The following TSPAN9 variants were observed in gnomAD, a reference collection of about 807,000 sequenced individuals.
The protein encoded by TSPAN9 is tetraspanin 9.
A neutral mutation model predicts 31.0 loss-of-function variants in TSPAN9; 16 were observed. That is an observed-to-expected ratio of 0.52 (90% CI 0.35 to 0.78). The LOEUF (loss-of-function observed/expected upper bound fraction) is 0.78. Ranked by LOEUF, TSPAN9 falls within the 30% of genes least tolerant of loss-of-function variation. TSPAN9 has a pLI of 0.01. For synonymous variants in TSPAN9, 145 were observed against 121.6 expected (o/e 1.19, Z -1.27); for missense variants, 272 against 312.5 (o/e 0.87, Z 0.98).
At chr12:3,219,517 A>G (rs1275206198) in intron 3 of TSPAN9, among the ~76,000 whole-genome samples, 3 of 152,210 alleles carry the variant, frequency 2.0e-5, no homozygotes, top group African/African-American at 4.8e-5. Context: ...CTCCTGCCTC[A>G]GGAGCCAAGA....
At chr12:3,265,780 C>G (rs537143926) in intron 3 of TSPAN9, among the ~76,000 whole-genome samples, 2 of 152,330 alleles carry the variant, frequency 1.3e-5, no homozygotes, top group South Asian at 4.1e-4. Flanking sequence ...AATCTTAGAT[C>G]TTTCTCAGGT....
At chr12:3,096,671 G>GAGAGGC (rs1359541816) in intron 2 of TSPAN9, among the ~76,000 whole-genome samples, 1 of 151,610 alleles carries the variant, frequency 6.6e-6, no homozygotes, top group Non-Finnish European at 1.5e-5. Context: ...AACATTTCAG[G>GAGAGGC]AGAGGCAGTG....
chr12:3,137,259 G>A (rs995742641), intron 2 of TSPAN9, among the ~76,000 whole-genome samples: 19 of 152,196 alleles, frequency 1.2e-4, no homozygotes, highest in African/African-American at 4.1e-4. Flanking sequence ...GGGCATGTCA[G>A]CTTCCCTGGA....
intron 2 of TSPAN9, among the ~76,000 whole-genome samples, chr12:3,176,125 C>A (rs907852905): frequency 3.9e-5 from 6 of 152,208 alleles, no homozygotes; most frequent in African/African-American, 1.2e-4. Flanking sequence ...ATCCATTTGT[C>A]CCCTGCTGTG....
At position 3,283,273 on chromosome 12, in the gene TSPAN9, C is replaced by T; in HGVS notation, c.*157C>T. On this transcript the variant is annotated 3_prime_UTR_variant, in exon 9 of 9. Coordinates refer to ENST00000011898, the MANE Select transcript of TSPAN9 (RefSeq NM_006675.5). Reference sequence around the variant, plus strand: ...TACCCTGCCTCAGCCTCGGACTTCTCAGTGGGTGGAGTGCCAGGGAGGAGG... The same window carrying T: ...TACCCTGCCTCAGCCTCGGACTTCTTAGTGGGTGGAGTGCCAGGGAGGAGG... 1 of 725,916 alleles carries T rather than the reference C, an allele frequency of 1.4e-6. No individual in the cohort carries two copies. Among genetic ancestry groups the T allele is most frequent in the Non-Finnish European group, 2.1e-6 (1 of 466,328 alleles). 45.0% of individuals were successfully genotyped at this position (725,916 alleles called of 1,614,324 possible).
At chr12:3,142,213 G>A (rs1213553071) in intron 2 of TSPAN9, among the ~76,000 whole-genome samples, 7 of 152,270 alleles carry the variant, frequency 4.6e-5, no homozygotes, top group African/African-American at 9.6e-5. Context: ...CAGGGAGCCC[G>A]CTGCCTGCTG....
At chr12:3,165,847 G>T (rs1324497415) in intron 2 of TSPAN9, among the ~76,000 whole-genome samples, 5 of 152,178 alleles carry the variant, frequency 3.3e-5, no homozygotes, top group Admixed American at 6.6e-5. Context: ...TCCCAGGGGT[G>T]TCTTAAGTCT....
Position 3,262,538 on chromosome 12 carries a change from T to C in TSPAN9, c.64-15883T>C, listed in dbSNP as rs564197734. On this transcript the variant is annotated intron_variant, in intron 3 of 8. Coordinates refer to ENST00000011898, the MANE Select transcript of TSPAN9 (RefSeq NM_006675.5). ...TCTTGCCAGCTCACTATTTATCACA[T>C]AGGTCATCCCTCCACCCTGCCGTTT... Among the ~76,000 whole-genome samples, 144 of 152,256 alleles carry C rather than the reference T, an allele frequency of 9.5e-4. 2 individuals carry two copies. The South Asian group carries it at 0.028, about 30-fold the overall frequency.
At chr12:3,224,004 AG>A (rs1438096339) in intron 3 of TSPAN9, among the ~76,000 whole-genome samples, 1 of 152,244 alleles carries the variant, frequency 6.6e-6, no homozygotes, top group East Asian at 1.9e-4. Flanking sequence ...TGTGCAGCCA[AG>A]GTTGAAGCTG....
At chr12:3,097,225 T>G (rs6489437) in intron 2 of TSPAN9, among the ~76,000 whole-genome samples, 1 of 151,942 alleles carries the variant, frequency 6.6e-6, no homozygotes. Flanking sequence ...CATGCCTGCT[T>G]CCGTCTTCGT....
At chr12:3,256,172 G>A (rs1479069883) in intron 3 of TSPAN9, among the ~76,000 whole-genome samples, 1 of 152,224 alleles carries the variant, frequency 6.6e-6, no homozygotes, top group African/African-American at 2.4e-5. Flanking sequence ...TGAGAAAGAG[G>A]GAGGAGAGCT....
intron 2 of TSPAN9, among the ~76,000 whole-genome samples, chr12:3,166,030 G>T (rs1248953899): frequency 6.6e-6 from 1 of 152,112 alleles, no homozygotes; most frequent in Non-Finnish European, 1.5e-5. Flanking sequence ...GGAATTATAG[G>T]CATCTGAGTC....
At chr12:3,281,661 G>A (rs1169988888) in intron 7 of TSPAN9, 73 bp from the exon 8 acceptor site, 3 of 1,507,828 alleles carry the variant, frequency 2.0e-6, no homozygotes, top group African/African-American at 1.4e-5. Context: ...GAAGGAGAGA[G>A]TGAGCTGGGG....
intron 2 of TSPAN9, among the ~76,000 whole-genome samples, chr12:3,086,604 CT>C (rs5796034): frequency 0.084 from 12,818 of 152,116 alleles, 1,629 homozygotes; most frequent in African/African-American, 0.28. Context: ...TAAGTGCCCC[CT>C]GAAATCCTCC....
intron 2 of TSPAN9, among the ~76,000 whole-genome samples, chr12:3,127,827 T>C (rs2098328054): frequency 6.6e-6 from 1 of 152,352 alleles, no homozygotes; most frequent in South Asian, 2.1e-4. Flanking sequence ...GGTCTTGCTA[T>C]GTTGCCCAGG....
At chr12:3,237,446 C>G (rs1351043307) in intron 3 of TSPAN9, among the ~76,000 whole-genome samples, 1 of 152,244 alleles carries the variant, frequency 6.6e-6, no homozygotes, top group African/African-American at 2.4e-5. Context: ...GGCCACAGAA[C>G]AGAGTGTCCC....
At chr12:3,119,941 G>T (rs1301882119) in intron 2 of TSPAN9, among the ~76,000 whole-genome samples, 2 of 152,146 alleles carry the variant, frequency 1.3e-5, no homozygotes, top group African/African-American at 4.8e-5. Flanking sequence ...GGCTGGCTGT[G>T]TGACCATGTG....
rs146647264 is a variant in TSPAN9 at position 3,114,613 on chromosome 12, C to T, written c.-18+30894C>T. Reference sequence around the variant, plus strand: ...CACCCAGCACTTTGGGAGGCTGAGGCGGGTGGATCACCTGAGGCCAGGAGT... The same window carrying T: ...CACCCAGCACTTTGGGAGGCTGAGGTGGGTGGATCACCTGAGGCCAGGAGT... On this transcript the variant is annotated intron_variant, in intron 2 of 8. Transcript: ENST00000011898. Among the ~76,000 whole-genome samples the T allele has an allele frequency of 1.7e-3, 255 of 152,136 alleles. 2 individuals carry two copies. The East Asian group carries it at 0.039, about 23-fold the overall frequency.
At chr12:3,255,788 C>T (rs949717154) in intron 3 of TSPAN9, among the ~76,000 whole-genome samples, 11 of 152,190 alleles carry the variant, frequency 7.2e-5, no homozygotes, top group African/African-American at 2.4e-4. Context: ...ATAAATGAAC[C>T]CATGAGGGTT....
Sources: gnomAD v4.1 joint callset for allele counts (sites outside exome capture counted in the v4.1 genomes callset) on GRCh38, gnomAD v4.1.1 for gene constraint, MANE v1.5 for transcripts, NCBI Gene and HGNC (gene_info 2026-07-23, HGNC 2026-07-21) for gene names.